POU6F2: variants seen among roughly 807,000 people sequenced by gnomAD.
The protein encoded by POU6F2 is POU domain, class 6, transcription factor 2.
A neutral mutation model predicts 71.3 loss-of-function variants in POU6F2; 31 were observed. The observed-to-expected ratio is 0.43, with a 90% CI of 0.33 to 0.59. POU6F2 has a LOEUF of 0.59. POU6F2 is among the 20% of genes least tolerant of loss of function. POU6F2 has a pLI of 0.04. For synonymous variants in POU6F2, 347 were observed against 355.7 expected (o/e 0.98, Z 0.27); for missense variants, 783 against 856.8 (o/e 0.91, Z 1.07).
intron 7 of POU6F2, among the ~76,000 whole-genome samples, chr7:39,443,338 C>T (rs1305352074): frequency 1.3e-5 from 2 of 152,200 alleles, no homozygotes; most frequent in African/African-American, 2.4e-5. Context: ...CATATGTGCA[C>T]CTCTCAGGTA....
intron 1 of POU6F2, among the ~76,000 whole-genome samples, chr7:39,066,343 A>G (rs1263851476): frequency 6.6e-6 from 1 of 151,802 alleles, no homozygotes; most frequent in Non-Finnish European, 1.5e-5. Context: ...AATGCCTTAT[A>G]TCACTATTGT....
At chr7:39,022,336 A>G (rs1357860674) in intron 1 of POU6F2, among the ~76,000 whole-genome samples, 1 of 152,002 alleles carries the variant, frequency 6.6e-6, no homozygotes, top group African/African-American at 2.4e-5. Flanking sequence ...AATTTTCTTC[A>G]GTTTCCTATA....
chr7:39,171,014 ATC>A (rs1793208782), intron 2 of POU6F2, among the ~76,000 whole-genome samples: 1 of 136,750 alleles, frequency 7.3e-6, no homozygotes, highest in African/African-American at 2.8e-5. Context: ...GTTCACATAT[ATC>A]TTTTTTTTTT....
chr7:39,139,817 T>C (rs1170434508), intron 2 of POU6F2, among the ~76,000 whole-genome samples: 1 of 152,218 alleles, frequency 6.6e-6, no homozygotes, highest in Non-Finnish European at 1.5e-5. Context: ...GATTTGCAGA[T>C]TGATCCTCCT....
intron 2 of POU6F2, among the ~76,000 whole-genome samples, chr7:39,175,621 C>T (rs1793310958): frequency 6.6e-6 from 1 of 152,070 alleles, no homozygotes; most frequent in Admixed American, 6.5e-5. Flanking sequence ...ATGAACCCAG[C>T]TCTGTCTTTA....
intron 2 of POU6F2, among the ~76,000 whole-genome samples, chr7:39,166,484 T>A (rs1023043415): frequency 6.6e-6 from 1 of 152,180 alleles, no homozygotes; most frequent in Non-Finnish European, 1.5e-5. Flanking sequence ...AAGACACTGA[T>A]TGGGAAACAG....
chr7:39,236,573 C>A (rs1385726387), intron 4 of POU6F2, among the ~76,000 whole-genome samples: 1 of 152,174 alleles, frequency 6.6e-6, no homozygotes, highest in African/African-American at 2.4e-5. Flanking sequence ...GTTTCCAGTG[C>A]ATACATTTCT....
chr7:39,023,104 C>A (rs554705367), intron 1 of POU6F2, among the ~76,000 whole-genome samples: 1 of 151,938 alleles, frequency 6.6e-6, no homozygotes, highest in Non-Finnish European at 1.5e-5. Context: ...TGATGTTGAC[C>A]ACTTTTTCAT....
At chr7:39,083,918 G>A (rs993257877) in intron 1 of POU6F2, 2 of 152,132 alleles carry the variant, frequency 1.3e-5, no homozygotes, top group African/African-American at 4.8e-5. Flanking sequence ...ACAGTGTAAA[G>A]GGGAAAGGAG....
intron 5 of POU6F2, among the ~76,000 whole-genome samples, chr7:39,352,236 T>C (rs1346875125): frequency 1.3e-5 from 2 of 152,210 alleles, no homozygotes; most frequent in African/African-American, 4.8e-5. Flanking sequence ...AGAGCTGAGA[T>C]AGCTAACAGA....
intron 5 of POU6F2, among the ~76,000 whole-genome samples, chr7:39,380,440 T>C (rs1786804009): frequency 6.6e-6 from 1 of 152,212 alleles, no homozygotes; most frequent in South Asian, 2.1e-4. Flanking sequence ...GCAGGAATCT[T>C]TTTGCATCTC....
At chr7:39,227,263 T>G (rs10237780) in intron 4 of POU6F2, among the ~76,000 whole-genome samples, 55,849 of 150,730 alleles carry the variant, frequency 0.37, 10,591 homozygotes, top group East Asian at 0.71. Context: ...GAACGTCCTC[T>G]TTTATTTTCC....
Position 39,346,501 on chromosome 7 carries a change from A to C in POU6F2, c.972+6486A>C, listed in dbSNP as rs1219802447. ...CTGATCCTGACAGTGGGGGTAGAGC[A>C]ATGGTCTGTCTGCAGCAAGCTCAGC... On this transcript the variant is annotated intron_variant, in intron 5 of 9. Coordinates refer to ENST00000518318, the MANE Select transcript of POU6F2 (RefSeq NM_001370959.1). Among the ~76,000 whole-genome samples, 4 of 152,338 alleles carry C rather than the reference A, an allele frequency of 2.6e-5. 1 individual carries two copies. The highest frequency in any genetic ancestry group is 3.9e-4 in the East Asian group (2 of 5,184).
intron 4 of POU6F2, among the ~76,000 whole-genome samples, chr7:39,329,669 C>G (rs1038977949): frequency 6.6e-6 from 1 of 152,146 alleles, no homozygotes; most frequent in Non-Finnish European, 1.5e-5. Flanking sequence ...CTTCAGAGCT[C>G]CCTGGAATCA....
chr7:39,078,488 C>T (rs1190529454), intron 1 of POU6F2, among the ~76,000 whole-genome samples: 3 of 152,024 alleles, frequency 2.0e-5, no homozygotes, highest in Non-Finnish European at 4.4e-5. Flanking sequence ...CTAATTCTAC[C>T]CAAATTAATA....
chr7:39,044,900 T>C (rs1790259827), intron 1 of POU6F2, among the ~76,000 whole-genome samples: 1 of 151,996 alleles, frequency 6.6e-6, no homozygotes, highest in Admixed American at 6.6e-5. Flanking sequence ...ATCAGTCCTC[T>C]TTGAAGGCAC....
chr7:39,344,782 T>C (rs373254609), intron 5 of POU6F2, among the ~76,000 whole-genome samples: 2 of 152,222 alleles, frequency 1.3e-5, no homozygotes, highest in South Asian at 2.1e-4. Context: ...TTCAGTTCCA[T>C]TGGAGTTTTA....
intron 4 of POU6F2, among the ~76,000 whole-genome samples, chr7:39,236,642 C>T (rs778817982): frequency 6.6e-6 from 1 of 152,116 alleles, no homozygotes; most frequent in Admixed American, 6.5e-5. Flanking sequence ...CTTTGCTGAA[C>T]CTGTTGCTAG....
chr7:39,150,621 C>T (rs934291596), intron 2 of POU6F2, among the ~76,000 whole-genome samples: 21 of 151,702 alleles, frequency 1.4e-4, no homozygotes, highest in African/African-American at 5.1e-4. Context: ...CGCCCACCAC[C>T]ATGCCTGGCT....
Sources: gnomAD v4.1 joint callset for allele counts (sites outside exome capture counted in the v4.1 genomes callset) on GRCh38, gnomAD v4.1.1 for gene constraint, MANE v1.5 for transcripts, NCBI Gene and HGNC (gene_info 2026-07-23, HGNC 2026-07-21) for gene names.